Variants in PCDHA4 observed in about 807,000 individuals in gnomAD.
The protein encoded by PCDHA4 is protocadherin alpha 4.
A neutral mutation model predicts 61.4 loss-of-function variants in PCDHA4; 49 were observed. The observed-to-expected ratio is 0.80, with a 90% CI of 0.63 to 1.01. The LOEUF (loss-of-function observed/expected upper bound fraction) is 1.01. PCDHA4 is among the 50% of genes least tolerant of loss of function. PCDHA4 has a pLI of 0.00. For synonymous variants in PCDHA4, 590 were observed against 550.3 expected (o/e 1.07, Z -1.01); for missense variants, 1,254 against 1,235.8 (o/e 1.01, Z -0.22).
chr5:140,926,953 C>T, intron 1 of PCDHA4: 1 of 1,596,706 alleles, frequency 6.3e-7, no homozygotes, highest in Non-Finnish European at 8.6e-7. Flanking sequence ...TGCAGCGGGA[C>T]AGCTCGAGTA....
chr5:140,963,032 T>C (rs541613535), intron 1 of PCDHA4, among the ~76,000 whole-genome samples: 8 of 152,290 alleles, frequency 5.3e-5, no homozygotes, highest in African/African-American at 1.9e-4. Context: ...CAATTAACAT[T>C]TATTGAGAGT....
In PCDHA4 at chr5:140,986,314, A is replaced by G. The variant is rs551389701; in HGVS notation, c.2533+3751A>G. On this transcript the variant is annotated intron_variant, in intron 3 of 3. Transcript: ENST00000530339. ...TGAGCAGAGAGAGAAAATTAGCTAA[A>G]TCAGGAATGCAGGGAATACAGTTGC... 9.4e-4 allele frequency among the ~76,000 whole-genome samples: 143 copies of G among 152,196 alleles called. 1 individual carries two copies. The highest frequency in any genetic ancestry group is 1.6e-3 in the Non-Finnish European group (110 of 68,030).
chr5:140,927,131 C>T (rs782433395), intron 1 of PCDHA4: 1 of 1,614,078 alleles, frequency 6.2e-7, no homozygotes, highest in Non-Finnish European at 8.5e-7. Context: ...GTCAGAGAGC[C>T]GGCGGACCGC....
intron 1 of PCDHA4, among the ~76,000 whole-genome samples, chr5:140,898,629 C>T (rs2066883647): frequency 1.3e-5 from 2 of 152,194 alleles, no homozygotes; most frequent in Admixed American, 1.3e-4. Context: ...AGCATAATGC[C>T]TCCAGCTTTG....
At chr5:140,818,703 T>A (rs553445594) in intron 1 of PCDHA4, among the ~76,000 whole-genome samples, 1 of 152,144 alleles carries the variant, frequency 6.6e-6, no homozygotes, top group African/African-American at 2.4e-5. Flanking sequence ...CTAGATGTGG[T>A]GGTGCACACC....
At chr5:140,817,344 G>T (rs187134127) in intron 1 of PCDHA4, 1 of 152,268 alleles carries the variant, frequency 6.6e-6, no homozygotes, top group Non-Finnish European at 1.5e-5. Context: ...CTTGCTTGGA[G>T]CCCAGGACCC....
chr5:141,010,403 G>T lies in PCDHA4; in HGVS notation c.*466G>T. ...ATATTGGCTGAGACGAGCCAGCTTA[G>T]ACTAATTGGTACAAGGAAGGCAAGA... On this transcript the variant is annotated 3_prime_UTR_variant, in exon 4 of 4. Transcript: ENST00000530339. 2 of 1,285,614 alleles carry T rather than the reference G, an allele frequency of 1.6e-6. No individual in the cohort carries two copies. Among genetic ancestry groups the T allele is most frequent in the Non-Finnish European group, 2.1e-6 (2 of 956,000 alleles). The allele number at this position is 1,285,614 out of a possible 1,614,324, so 79.6% of individuals were successfully genotyped here. A position where few individuals can be genotyped will look rare whatever the true frequency, so the allele number is the denominator to read the frequency against.
intron 1 of PCDHA4, among the ~76,000 whole-genome samples, chr5:140,922,964 GTGGCA>G (rs1293947003): frequency 6.6e-6 from 1 of 152,186 alleles, no homozygotes; most frequent in East Asian, 1.9e-4. Context: ...TCTTCAGCCA[GTGGCA>G]TATCTCAGAC....
At chr5:140,834,646 C>G (rs17844305) in intron 1 of PCDHA4, 112,077 of 1,614,172 alleles carry the variant, frequency 0.069, 4,265 homozygotes, top group Admixed American at 0.079. Flanking sequence ...TTTGTGAATT[C>G]TCGGATCGAC....
chr5:140,834,187 T>TC, intron 1 of PCDHA4: 1 of 577,002 alleles, frequency 1.7e-6, no homozygotes, highest in South Asian at 2.5e-5. Context: ...CCACATGATG[T>TC]CGCTCTTTAC....
At chr5:140,822,929 C>A (rs1418522514) in intron 1 of PCDHA4, 1 of 1,614,266 alleles carries the variant, frequency 6.2e-7, no homozygotes, top group Non-Finnish European at 8.5e-7. Context: ...GGGCAGGTGA[C>A]CTGCTCCCTA....
In PCDHA4 at chr5:140,856,229, C is replaced by T. The variant is rs17844338; in HGVS notation, c.2385+46657C>T. On this transcript the variant is annotated intron_variant, in intron 1 of 3. Transcript: ENST00000530339. ...GCTGGAGCTGGCGGAGCTGGTGCAG[C>T]GCCTGTTCCGGGTGGCGTCCAAAAG... 5 of 1,597,818 alleles carry T rather than the reference C, an allele frequency of 3.1e-6. No homozygotes were observed. The South Asian group carries it at 4.4e-5, about 14-fold the overall frequency.
At chr5:140,869,812 G>A (rs2051440753) in intron 1 of PCDHA4, 1 of 1,612,340 alleles carries the variant, frequency 6.2e-7, no homozygotes, top group East Asian at 2.2e-5. Flanking sequence ...GGATGTCAAC[G>A]ACAATGATCC....
At chr5:140,927,590 T>C (rs782100491) in intron 1 of PCDHA4, 21 of 1,614,058 alleles carry the variant, frequency 1.3e-5, no homozygotes, top group Non-Finnish European at 1.4e-5. Flanking sequence ...GCGCCTGTAT[T>C]TGAGCGCTCC....
chr5:140,870,366 A>G, intron 1 of PCDHA4: 1 of 1,613,926 alleles, frequency 6.2e-7, no homozygotes, highest in South Asian at 1.1e-5. Flanking sequence ...GGGCCTATGA[A>G]CTGGTGGTGA....
At chr5:140,902,071 T>G (rs1288333473) in intron 1 of PCDHA4, among the ~76,000 whole-genome samples, 1 of 152,186 alleles carries the variant, frequency 6.6e-6, no homozygotes, top group African/African-American at 2.4e-5. Flanking sequence ...TTTACTGAAT[T>G]TATTGTTTTA....
At chr5:140,869,775 C>A (rs2051402857) in intron 1 of PCDHA4, 5 of 1,612,980 alleles carry the variant, frequency 3.1e-6, no homozygotes, top group Non-Finnish European at 4.2e-6. Flanking sequence ...AGCTTACTGG[C>A]ACCGTTCGGC....
At position 140,808,872 on chromosome 5, in the gene PCDHA4, C is replaced by G. The variant is rs782630901; in HGVS notation, c.1685C>G (p.Ala562Gly). 6.2e-7 allele frequency: 1 copy of G among 1,613,186 alleles called. No homozygotes were observed. Among genetic ancestry groups the G allele is most frequent in the Non-Finnish European group, 8.5e-7 (1 of 1,179,904 alleles). Residue 562 changes from alanine (A) to glycine (G), a missense_variant, in exon 1 of 4, where the codon GCG becomes GGG. Transcript: ENST00000530339. The stretch of plus-strand genomic sequence containing the variant: ...TTCGTGCTGGACGAAAACGACAACG[C>G]GCCAGCACTGCTAGCGCCTCGGGCG... Reference protein sequence around the residue: ...QVFVLDENDNAPALLAPRAGG... With the variant: ...QVFVLDENDNGPALLAPRAGG...
intron 1 of PCDHA4, among the ~76,000 whole-genome samples, chr5:140,964,823 G>A (rs541084771): frequency 2.6e-5 from 4 of 152,218 alleles, no homozygotes; most frequent in Non-Finnish European, 1.5e-5. Context: ...AGATTTTGAT[G>A]AAAATTGCTT....
Sources: gnomAD v4.1 joint callset for allele counts (sites outside exome capture counted in the v4.1 genomes callset) on GRCh38, gnomAD v4.1.1 for gene constraint, MANE v1.5 for transcripts, NCBI Gene and HGNC (gene_info 2026-07-23, HGNC 2026-07-21) for gene names.